The following BAZ1A variants were observed in gnomAD, a reference collection of about 807,000 sequenced individuals.
BAZ1A encodes the protein bromodomain adjacent to zinc finger domain 1A, also known as bromodomain adjacent to zinc finger domain protein 1A.
BAZ1A carries 50 observed loss-of-function variants against 185.2 expected under a neutral mutation model. The observed-to-expected ratio is 0.27, with a 90% confidence interval of 0.22 to 0.34. The LOEUF is 0.34. Among genes scored for constraint, BAZ1A ranks in the 10% least tolerant of loss-of-function variants. The probability of loss-of-function intolerance (pLI) is 1.00; values close to 1 mark genes in which losing one functional copy is unlikely to be tolerated. For synonymous variants in BAZ1A, 571 were observed against 615.6 expected (o/e 0.93, Z 1.07); for missense variants, 1,356 against 1,839.9 (o/e 0.74, Z 4.81).
chr14:34,771,468 C>T, intron 21 of BAZ1A, 43 bp downstream of exon 21: 2 of 1,560,820 alleles, frequency 1.3e-6, no homozygotes, highest in South Asian at 1.2e-5. Context: ...CTCAAAATTA[C>T]TTATAACACA....
At chr14:34,839,464 A>G (rs937006275) in intron 3 of BAZ1A, among the ~76,000 whole-genome samples, 4 of 151,432 alleles carry the variant, frequency 2.6e-5, no homozygotes, top group Non-Finnish European at 5.9e-5. Flanking sequence ...GCTTTAGCCC[A>G]GAAGGTGGAG....
At chr14:34,773,516 A>C (rs1489389933) in intron 20 of BAZ1A, 56 bp downstream of exon 20, 54 of 1,474,586 alleles carry the variant, frequency 3.7e-5, no homozygotes, top group Non-Finnish European at 4.2e-5. Flanking sequence ...AAAAAAAAAA[A>C]AAACCTTAAA....
At chr14:34,831,733 T>C (rs146979624) in intron 3 of BAZ1A, among the ~76,000 whole-genome samples, 1 of 152,272 alleles carries the variant, frequency 6.6e-6, no homozygotes, top group African/African-American at 2.4e-5. Flanking sequence ...CTTCTACTCA[T>C]TTCCCCTCAC....
At chr14:34,773,512 A>G in intron 20 of BAZ1A, 60 bp downstream of exon 20, 1 of 1,471,872 alleles carries the variant, frequency 6.8e-7, no homozygotes, top group Non-Finnish European at 9.1e-7. Context: ...CCAAAAAAAA[A>G]AAAAAAACCT....
chr14:34,847,441 C>T (rs1466509221), intron 3 of BAZ1A, among the ~76,000 whole-genome samples: 1 of 151,976 alleles, frequency 6.6e-6, no homozygotes, highest in Non-Finnish European at 1.5e-5. Flanking sequence ...AAAAGAACTA[C>T]AATAAATTTA....
intron 3 of BAZ1A, among the ~76,000 whole-genome samples, chr14:34,855,932 GC>G (rs2042669064): frequency 6.6e-6 from 1 of 151,984 alleles, no homozygotes; most frequent in Non-Finnish European, 1.5e-5. Flanking sequence ...TAAGTAAAGG[GC>G]TTTTTACCCT....
intron 12 of BAZ1A, among the ~76,000 whole-genome samples, chr14:34,790,164 TTTTC>T (rs1164942877): frequency 1.4e-5 from 2 of 147,110 alleles, no homozygotes; most frequent in African/African-American, 5.0e-5. Context: ...TAAATAAATA[TTTTC>T]TTTTTTTTTT....
intron 3 of BAZ1A, among the ~76,000 whole-genome samples, chr14:34,851,530 T>A (rs1020831740): frequency 3.3e-5 from 5 of 152,252 alleles, no homozygotes; most frequent in Admixed American, 6.6e-5. Context: ...TTTCCACATC[T>A]TTTTTCCTGA....
chr14:34,761,027 C>T (rs576687380), intron 24 of BAZ1A, among the ~76,000 whole-genome samples: 4 of 151,662 alleles, frequency 2.6e-5, no homozygotes, highest in Non-Finnish European at 5.9e-5. Context: ...GCCTATAATC[C>T]CAGTACTTTG....
chr14:34,807,932 T>C (rs10151160), intron 5 of BAZ1A, among the ~76,000 whole-genome samples: 1,796 of 151,294 alleles, frequency 0.012, 40 homozygotes, highest in African/African-American at 0.041. Flanking sequence ...GGTGAAACCC[T>C]GTCTCTACTA....
chr14:34,805,838 C>G (rs1594858938), intron 6 of BAZ1A, among the ~76,000 whole-genome samples: 1 of 150,242 alleles, frequency 6.7e-6, no homozygotes, highest in East Asian at 1.9e-4. Flanking sequence ...TGTATTTACT[C>G]AAGGTATTTT....
chr14:34,801,696 G>A (rs1881572246), intron 7 of BAZ1A, among the ~76,000 whole-genome samples: 1 of 152,158 alleles, frequency 6.6e-6, no homozygotes, highest in Admixed American at 6.5e-5. Flanking sequence ...AATACTTGAG[G>A]TCGGGCGTTT....
At chr14:34,817,656 C>T (rs534712427) in intron 4 of BAZ1A, among the ~76,000 whole-genome samples, 11 of 152,222 alleles carry the variant, frequency 7.2e-5, no homozygotes, top group African/African-American at 2.6e-4. Context: ...AAAAGACAAA[C>T]AACCCAATTT....
At chr14:34,771,389 A>G (rs1879207235) in intron 21 of BAZ1A, 122 bp downstream of exon 21, 1 of 951,620 alleles carries the variant, frequency 1.1e-6, no homozygotes, top group Non-Finnish European at 1.6e-6. Flanking sequence ...AAAAATGAAA[A>G]CATCTCAAGT....
intron 26 of BAZ1A, among the ~76,000 whole-genome samples, chr14:34,754,019 G>A (rs886943393): frequency 1.3e-5 from 2 of 151,962 alleles, no homozygotes; most frequent in Non-Finnish European, 2.9e-5. Context: ...TTGGGAGGCC[G>A]AGGCAGACGG....
intron 3 of BAZ1A, among the ~76,000 whole-genome samples, chr14:34,846,788 C>T (rs1404679198): frequency 6.6e-6 from 1 of 151,872 alleles, no homozygotes; most frequent in African/African-American, 2.4e-5. Flanking sequence ...ACGATATGTA[C>T]CTAAAAAAGA....
chr14:34,855,884 CAA>C (rs965975016), intron 3 of BAZ1A, among the ~76,000 whole-genome samples: 2 of 151,994 alleles, frequency 1.3e-5, no homozygotes, highest in African/African-American at 4.8e-5. Context: ...GCCTTAGTGA[CAA>C]GAGTGAGAAA....
intron 3 of BAZ1A, among the ~76,000 whole-genome samples, chr14:34,830,598 T>C (rs2042227041): frequency 6.6e-6 from 1 of 152,098 alleles, no homozygotes; most frequent in South Asian, 2.1e-4. Context: ...TTCTGAGATT[T>C]TGAAAATGTT....
At chr14:34,842,726 A>G (rs537426216) in intron 3 of BAZ1A, among the ~76,000 whole-genome samples, 2 of 152,154 alleles carry the variant, frequency 1.3e-5, no homozygotes, top group African/African-American at 2.4e-5. Context: ...TATTCCTCCC[A>G]AACAGAAGCA....
Sources: gnomAD v4.1 joint callset for allele counts (sites outside exome capture counted in the v4.1 genomes callset) on GRCh38, gnomAD v4.1.1 for gene constraint, MANE v1.5 for transcripts, NCBI Gene and HGNC (gene_info 2026-07-23, HGNC 2026-07-21) for gene names.